CERS6: variants seen among roughly 807,000 people sequenced by gnomAD.
CERS6 encodes ceramide synthase 6, also known as LAG1 homolog, ceramide synthase 6.
Under a neutral mutation model 56.8 loss-of-function variants are expected in CERS6, and 26 were observed. The ratio of observed to expected loss-of-function variants is 0.46; its 90% CI spans 0.34 to 0.63. The LOEUF is 0.63. Ranked by LOEUF, CERS6 falls within the 30% of genes least tolerant of loss-of-function variation. CERS6 has a pLI of 0.01. For missense variants in CERS6, 415 were observed against 467.5 expected (o/e 0.89, Z 1.04); for synonymous variants, 164 against 173.3 (o/e 0.95, Z 0.42).
intron 4 of CERS6, among the ~76,000 whole-genome samples, chr2:168,672,937 A>G (rs1475767329): frequency 6.6e-6 from 1 of 152,212 alleles, no homozygotes; most frequent in East Asian, 1.9e-4. Flanking sequence ...CCTTCCTTGT[A>G]ATTAACTGAG....
intron 6 of CERS6, among the ~76,000 whole-genome samples, chr2:168,703,060 A>G (rs1354537129): frequency 6.6e-6 from 1 of 152,244 alleles, no homozygotes; most frequent in Non-Finnish European, 1.5e-5. Context: ...AAAATGTATT[A>G]ACATTTAATG....
chr2:168,647,247 C>A lies in CERS6; in HGVS notation c.465+16205C>A, dbSNP rs1247612648. Among the ~76,000 whole-genome samples, 3 of 151,702 alleles carry A rather than the reference C, an allele frequency of 2.0e-5. 1 individual carries two copies. The highest frequency in any genetic ancestry group is 7.3e-5 in the African/African-American group (3 of 41,348). On this transcript the variant is annotated intron_variant, in intron 4 of 9. Coordinates refer to ENST00000305747, the MANE Select transcript of CERS6 (RefSeq NM_203463.3). ...TATGATTGTAGAGATCTTTTACCTT[C>A]CTGTATTCCTTGGTATTTTATTCTT...
At chr2:168,553,605 G>A (rs957774177) in intron 2 of CERS6, among the ~76,000 whole-genome samples, 3 of 152,104 alleles carry the variant, frequency 2.0e-5, no homozygotes, top group African/African-American at 7.2e-5. Context: ...ACTCTGTAAA[G>A]GTTATAGACA....
chr2:168,689,026 G>A (rs1686429797), intron 4 of CERS6, among the ~76,000 whole-genome samples: 1 of 152,196 alleles, frequency 6.6e-6, no homozygotes, highest in Non-Finnish European at 1.5e-5. Flanking sequence ...GTCACTGCAA[G>A]GGATGGGCAC....
chr2:168,627,722 CT>C (rs1559026379), intron 3 of CERS6, among the ~76,000 whole-genome samples: 1 of 149,674 alleles, frequency 6.7e-6, no homozygotes. Context: ...ATTTAGTTGT[CT>C]TTTTTTTCAG....
In CERS6 at chr2:168,669,582, C is replaced by G. The variant is rs79467602; in HGVS notation, c.466-21452C>G. On this transcript the variant is annotated intron_variant, in intron 4 of 9. Transcript: ENST00000305747. ...ATAAAGCCACCCTCTTCATACTGAG[C>G]AAAATAAACCTGTTATTACTGGTAT... is the stretch of plus-strand genomic sequence containing the variant. 0.015 allele frequency among the ~76,000 whole-genome samples: 2,211 copies of G among 152,190 alleles called. 111 individuals are homozygous for G. The East Asian group carries it at 0.16, about 11-fold the overall frequency.
chr2:168,745,328 G>A (rs890951717), intron 8 of CERS6, among the ~76,000 whole-genome samples: 15 of 151,602 alleles, frequency 9.9e-5, no homozygotes, highest in Admixed American at 3.3e-4. Context: ...TGCAAGGTCC[G>A]CCTCCTGGGT....
intron 7 of CERS6, 59 bp from the exon 8 acceptor site, chr2:168,717,813 A>G (rs1347969200): frequency 1.5e-6 from 2 of 1,320,994 alleles, no homozygotes; most frequent in Non-Finnish European, 2.1e-6. Flanking sequence ...TGCATATTGA[A>G]AGAAACTTTT....
chr2:168,593,949 A>G (rs934219587), intron 3 of CERS6, among the ~76,000 whole-genome samples: 1 of 152,234 alleles, frequency 6.6e-6, no homozygotes, highest in Admixed American at 6.5e-5. Context: ...TGTGACAACA[A>G]GCACCAGGAA....
chr2:168,756,806 C>T (rs1021122261), intron 8 of CERS6, among the ~76,000 whole-genome samples: 7 of 152,080 alleles, frequency 4.6e-5, no homozygotes, highest in African/African-American at 1.7e-4. Flanking sequence ...TGTCCCCCAC[C>T]AACGCGATCT....
rs897181314 is a variant in CERS6 at position 168,769,876 on chromosome 2, C to G, written c.*214C>G. 7.3e-6 allele frequency: 4 copies of G among 549,246 alleles called. No individual in the cohort carries two copies. The highest frequency in any genetic ancestry group is 3.9e-5 in the African/African-American group (2 of 51,214). The allele number at this position is 549,246 out of a possible 1,614,324, so 34.0% of individuals were successfully genotyped here. A position where few individuals can be genotyped will look rare whatever the true frequency, so the allele number is the denominator to read the frequency against. The stretch of plus-strand genomic sequence containing the variant: ...GTAGGCATGCTGTATGTAATTGACA[C>G]AAGGGAACAGTATTTGCATTTGTAC... On this transcript the variant is annotated 3_prime_UTR_variant, in exon 10 of 10. Coordinates refer to ENST00000305747, the MANE Select transcript of CERS6 (RefSeq NM_203463.3).
Position 168,724,069 on chromosome 2 carries a change from G to A in CERS6, c.845+6091G>A, listed in dbSNP as rs558347503. ...CAAGAATGAAGCCGCGGACCCTTGCGGTGAGTGTTACAGCTCTTGAGGTGG... is the reference window on the plus strand; with the variant it reads ...CAAGAATGAAGCCGCGGACCCTTGCAGTGAGTGTTACAGCTCTTGAGGTGG... On this transcript the variant is annotated intron_variant, in intron 8 of 9. Transcript: ENST00000305747. Among the ~76,000 whole-genome samples the A allele has an allele frequency of 4.6e-5, 7 of 152,244 alleles. No individual in the cohort carries two copies. In the South Asian group the frequency reaches 1.0e-3, roughly 23 times the overall value.
intron 8 of CERS6, among the ~76,000 whole-genome samples, chr2:168,741,115 T>C (rs1365768990): frequency 6.6e-6 from 1 of 152,174 alleles, no homozygotes; most frequent in Non-Finnish European, 1.5e-5. Flanking sequence ...AAACCCTGTA[T>C]GCGTTCAAAT....
intron 1 of CERS6, among the ~76,000 whole-genome samples, chr2:168,545,639 T>A (rs1377501): frequency 2.0e-5 from 3 of 152,084 alleles, no homozygotes; most frequent in Non-Finnish European, 2.9e-5. Context: ...TAACTTGTCC[T>A]CAGCACTCAA....
chr2:168,593,079 A>G (rs990042034), intron 3 of CERS6, among the ~76,000 whole-genome samples: 1 of 152,218 alleles, frequency 6.6e-6, no homozygotes, highest in Admixed American at 6.5e-5. Flanking sequence ...AGCTAGCAGC[A>G]TAACATCTTC....
At chr2:168,522,577 G>T (rs1445642579) in intron 1 of CERS6, among the ~76,000 whole-genome samples, 1 of 152,004 alleles carries the variant, frequency 6.6e-6, no homozygotes, top group Non-Finnish European at 1.5e-5. Flanking sequence ...CTGTTGCTCA[G>T]GCTAGAGTGC....
chr2:168,643,961 T>C (rs566415940), intron 4 of CERS6, among the ~76,000 whole-genome samples: 1 of 152,362 alleles, frequency 6.6e-6, no homozygotes, highest in South Asian at 2.1e-4. Flanking sequence ...CATGCCGGTC[T>C]CCTACTGGTG....
At position 168,771,657 on chromosome 2, in the gene CERS6, C is replaced by T. The variant is rs1263690967; in HGVS notation, c.*1995C>T. 2.0e-5 allele frequency: 3 copies of T among 152,102 alleles called. No homozygotes were observed. The highest frequency in any genetic ancestry group is 1.9e-4 in the East Asian group (1 of 5,194). The allele number at this position is 152,102 out of a possible 1,614,324, so 9.4% of individuals were successfully genotyped here. A position where few individuals can be genotyped will look rare whatever the true frequency, so the allele number is the denominator to read the frequency against. On this transcript the variant is annotated 3_prime_UTR_variant, in exon 10 of 10. Transcript: ENST00000305747. ...AAAAGTTTCTTAATTAAAATATGAACATATTTAGCTTGCTTTAGTGTCTGG... is the reference window on the plus strand; with the variant it reads ...AAAAGTTTCTTAATTAAAATATGAATATATTTAGCTTGCTTTAGTGTCTGG...
intron 4 of CERS6, chr2:168,644,105 T>C: frequency 2.0e-6 from 2 of 985,236 alleles, no homozygotes; most frequent in Non-Finnish European, 2.4e-6. Context: ...TACAGGCTAA[T>C]AGGAGATATG....
Sources: gnomAD v4.1 joint callset for allele counts (sites outside exome capture counted in the v4.1 genomes callset) on GRCh38, gnomAD v4.1.1 for gene constraint, MANE v1.5 for transcripts, NCBI Gene and HGNC (gene_info 2026-07-23, HGNC 2026-07-21) for gene names.